Variants in NOX4 observed in about 807,000 individuals in gnomAD.
NOX4 encodes the protein NADPH oxidase 4.
A neutral mutation model predicts 87.6 loss-of-function variants in NOX4; 69 were observed. The ratio of observed to expected loss-of-function variants is 0.79; its 90% confidence interval spans 0.65 to 0.96. The LOEUF is 0.96. NOX4 is among the 40% of genes least tolerant of loss of function. The pLI, the probability that NOX4 is intolerant of heterozygous loss-of-function variation, is 0.00. For missense variants in NOX4, 680 were observed against 681.5 expected, an observed-to-expected ratio of 1.00 and a Z score of 0.02; for synonymous variants, 275 against 238.2, an observed-to-expected ratio of 1.15 and a Z score of -1.42.
intron 12 of NOX4, among the ~76,000 whole-genome samples, chr11:89,368,074 C>A (rs183541404): frequency 7.2e-5 from 11 of 152,072 alleles, no homozygotes; most frequent in Non-Finnish European, 8.8e-5. Context: ...AACTTCCTGT[C>A]TCCACTTCAT....
intron 14 of NOX4, among the ~76,000 whole-genome samples, chr11:89,340,940 A>G (rs1449890850): frequency 4.6e-5 from 7 of 152,080 alleles, no homozygotes; most frequent in Non-Finnish European, 8.8e-5. Context: ...CAAACACATC[A>G]CTTAAATTTA....
At chr11:89,522,891 T>C in the NOX4 span, among the ~76,000 whole-genome samples, 1 of 152,244 alleles carries the variant, frequency 6.6e-6, no homozygotes, top group East Asian at 1.9e-4. Context: ...TAAGTATTCC[T>C]AGGACTCACG....
At chr11:89,502,643 C>T (rs1391232981), upstream of NOX4, among the ~76,000 whole-genome samples, 1 of 151,954 alleles carries the variant, frequency 6.6e-6, no homozygotes, top group East Asian at 1.9e-4. Context: ...GTTACAGTAA[C>T]TTAGTCAATA....
intron 12 of NOX4, among the ~76,000 whole-genome samples, chr11:89,370,797 A>G (rs533780205): frequency 2.2e-4 from 34 of 152,150 alleles, no homozygotes; most frequent in African/African-American, 7.9e-4. Flanking sequence ...GACAACAAAT[A>G]TGAGACTTGG....
At chr11:89,576,896 C>A in the NOX4 span, 3 of 152,022 alleles carry the variant, frequency 2.0e-5, no homozygotes, top group African/African-American at 7.2e-5. Context: ...AAAACAAATT[C>A]TTTAACTTCA....
rs752473698 is a variant in NOX4 at position 89,400,221 on chromosome 11, A to G, written c.1005T>C (p.Pro335=). 6.8e-6 allele frequency: 11 copies of G among 1,612,276 alleles called. No homozygotes were observed. The East Asian group carries it at 2.5e-4, about 36-fold the overall frequency. The change falls in exon 10 of 18, where the codon CCT becomes CCC. Residue 335 remains proline, a synonymous_variant. Transcript: ENST00000263317. ...RMVKENFKAR[P]GQYITLHCPS... is the part of the protein sequence containing the mutation. ...TTGCTGACCACTGACTCACCTGACC[A>G]GGTCTTGCTTTAAAATTTTCTTTGA...
Position 89,326,737 on chromosome 11 carries a change from T to C in NOX4, c.*19A>G, listed in dbSNP as rs1411677360. 3.7e-6 allele frequency: 6 copies of C among 1,610,952 alleles called. No individual in the cohort carries two copies. Among genetic ancestry groups the C allele is most frequent in the Non-Finnish European group, 5.1e-6 (6 of 1,178,274 alleles). ...TGCACTCATTCCTTCTTTAGAGTCC[T>C]GCTTCATGGCAAAAGTTTTCAGCTG... is the stretch of plus-strand genomic sequence containing the variant. On this transcript the variant is annotated 3_prime_UTR_variant, in exon 18 of 18. Transcript: ENST00000263317.
At chr11:89,491,465 C>T (rs570112699), upstream of NOX4, 4 of 523,320 alleles carry the variant, frequency 7.6e-6, no homozygotes, top group Middle Eastern at 4.9e-4. Flanking sequence ...CCACCCGCAC[C>T]GGGTCAGCTC....
Position 89,417,710 on chromosome 11 carries a change from C to A in NOX4, c.629+4192G>T, listed in dbSNP as rs1942861641. 2.0e-5 allele frequency among the ~76,000 whole-genome samples: 3 copies of A among 152,050 alleles called. No homozygotes were observed. In the South Asian group the frequency reaches 6.2e-4, roughly 32 times the overall value. On this transcript the variant is annotated intron_variant, in intron 8 of 17. Transcript: ENST00000263317. ...TTTTTCAAAGTTAAATGTGGAGTGT[C>A]ATTCTTACAAAGCTATAAGTATTGG...
chr11:89,411,133 AC>A (rs1162097115), intron 8 of NOX4, among the ~76,000 whole-genome samples: 1 of 152,082 alleles, frequency 6.6e-6, no homozygotes, highest in Non-Finnish European at 1.5e-5. Flanking sequence ...CAAGCAAGAA[AC>A]TTGCTGCCTT....
the NOX4 span, among the ~76,000 whole-genome samples, chr11:89,524,766 G>C: frequency 6.6e-6 from 1 of 151,914 alleles, no homozygotes; most frequent in Non-Finnish European, 1.5e-5. Flanking sequence ...TCGTGAAATG[G>C]TTTAATCTGA....
At chr11:89,430,726 C>T (rs1174741670) in intron 7 of NOX4, among the ~76,000 whole-genome samples, 1 of 152,164 alleles carries the variant, frequency 6.6e-6, no homozygotes, top group African/African-American at 2.4e-5. Flanking sequence ...AATGGAAGAA[C>T]ATTCCATGCT....
chr11:89,501,149 A>C (rs1255031093), upstream of NOX4, among the ~76,000 whole-genome samples: 1 of 152,088 alleles, frequency 6.6e-6, no homozygotes, highest in Non-Finnish European at 1.5e-5. Flanking sequence ...AAAATGTTAC[A>C]AGAGACATGA....
chr11:89,575,327 T>C, the NOX4 span, among the ~76,000 whole-genome samples: 2 of 152,222 alleles, frequency 1.3e-5, no homozygotes, highest in Non-Finnish European at 2.9e-5. Context: ...ATAATTATTT[T>C]TTTGTGTGAT....
At chr11:89,525,006 CTG>C in the NOX4 span, among the ~76,000 whole-genome samples, 3 of 151,962 alleles carry the variant, frequency 2.0e-5, no homozygotes, top group African/African-American at 7.2e-5. Flanking sequence ...TTAATACAAA[CTG>C]TTATGCAGAT....
intron 17 of NOX4, 119 bp downstream of exon 17, chr11:89,335,726 C>A (rs1293144158): frequency 3.9e-6 from 2 of 518,226 alleles, no homozygotes; most frequent in African/African-American, 4.0e-5. Flanking sequence ...AAGAGTGTTT[C>A]AGTGAATTTG....
intron 7 of NOX4, among the ~76,000 whole-genome samples, chr11:89,428,457 G>A (rs1011706022): frequency 1.4e-5 from 2 of 144,556 alleles, no homozygotes; most frequent in African/African-American, 2.7e-5. Flanking sequence ...TCAGTGTGCT[G>A]TATTCAGGAA....
chr11:89,364,346 T>G (rs1938768077), intron 12 of NOX4, among the ~76,000 whole-genome samples: 1 of 152,078 alleles, frequency 6.6e-6, no homozygotes, highest in Admixed American at 6.6e-5. Context: ...ATATTACATA[T>G]GTAGACAAAT....
At chr11:89,412,687 G>T (rs1369854387) in intron 8 of NOX4, among the ~76,000 whole-genome samples, 1 of 151,942 alleles carries the variant, frequency 6.6e-6, no homozygotes, top group Non-Finnish European at 1.5e-5. Flanking sequence ...AATCAAAATT[G>T]ATTGAAGACT....
Sources: allele counts gnomAD v4.1 joint callset (sites outside exome capture counted in the v4.1 genomes callset), GRCh38; gene constraint gnomAD v4.1.1; transcripts MANE v1.5; gene names NCBI Gene and HGNC (gene_info 2026-07-23, HGNC 2026-07-21).